The following NCKAP5L variants were observed in gnomAD, a reference collection of about 807,000 sequenced individuals.
The protein encoded by NCKAP5L is NCK associated protein 5 like, also known as nck-associated protein 5-like.
In NCKAP5L, 54 loss-of-function variants were observed where a neutral mutation model predicts 103.2. That is an observed-to-expected ratio of 0.52 (90% CI 0.42 to 0.66). The LOEUF (loss-of-function observed/expected upper bound fraction) is 0.66, where lower values mean the gene tolerates loss of function less well. Among genes scored for constraint, NCKAP5L ranks in the 30% least tolerant of loss-of-function variants. The pLI, the probability that NCKAP5L is intolerant of heterozygous loss-of-function variation, is 0.00. For missense variants in NCKAP5L, 1,733 were observed against 1,750.6 expected (o/e 0.99, Z 0.18); for synonymous variants, 762 against 748.6 (o/e 1.02, Z -0.29).
Position 49,791,456 on chromosome 12 carries a change from CG to C in NCKAP5L, c.*382del, listed in dbSNP as rs1945932872. 1 of 171,496 alleles carries C rather than the reference CG, an allele frequency of 5.8e-6. No homozygotes were observed. The highest frequency in any genetic ancestry group is 1.2e-5 in the Non-Finnish European group (1 of 81,528). The allele number at this position is 171,496 out of a possible 1,614,324, so 10.6% of individuals were successfully genotyped here. A position where few individuals can be genotyped will look rare whatever the true frequency, so the allele number is the denominator to read the frequency against. On this transcript the variant is annotated 3_prime_UTR_variant, in exon 13 of 13. Coordinates refer to ENST00000335999, the MANE Select transcript of NCKAP5L (RefSeq NM_001037806.4). ...CTCCAGGAGGGCCTCGCGAGGGCTTCGGGGCAGAGGAGCAGCCGGGTTGGGC... is the reference window on the plus strand; with the variant it reads ...CTCCAGGAGGGCCTCGCGAGGGCTTCGGGCAGAGGAGCAGCCGGGTTGGGC...
At chr12:49,826,375 G>T (rs1024697223) in intron 1 of NCKAP5L, among the ~76,000 whole-genome samples, 4 of 152,072 alleles carry the variant, frequency 2.6e-5, no homozygotes, top group African/African-American at 9.7e-5. Context: ...AGGCGTGATG[G>T]GTGGGCCAAA....
chr12:49,796,918 G>T lies in NCKAP5L; in HGVS notation c.942C>A (p.Pro314=). The T allele has an allele frequency of 6.2e-7, 1 of 1,607,832 alleles. No homozygotes were observed. Among genetic ancestry groups the T allele is most frequent in the East Asian group, 2.2e-5 (1 of 44,704 alleles). The part of the protein sequence containing the change: ...EAGDPNEAPS[P]DTLLGALARR... ...GGGCCAGGGCACCGAGCAGGGTGTC[G>T]GGGCTGGGTGCCTCATTGGGGTCAC... The change falls in exon 8 of 13, where the codon CCC becomes CCA. Residue 314 remains proline (P), a synonymous_variant. Coordinates refer to ENST00000335999, the MANE Select transcript of NCKAP5L (RefSeq NM_001037806.4).
At position 49,803,909 on chromosome 12, in the gene NCKAP5L, C is replaced by T. The variant is rs1310222741; in HGVS notation, c.123+13G>A. ...GGCTGGCACTGCTGCCCCTACCACG[C>T]CCCATGCCGCACCTCCAGCTCCCGC... is the stretch of plus-strand genomic sequence containing the variant. On this transcript the variant is annotated intron_variant, in intron 3 of 12. Transcript: ENST00000335999. The T allele has an allele frequency of 1.2e-6, 2 of 1,603,546 alleles. No individual in the cohort carries two copies. Among genetic ancestry groups the T allele is most frequent in the Non-Finnish European group, 1.7e-6 (2 of 1,179,608 alleles).
At chr12:49,817,803 A>G (rs1946315055) in intron 1 of NCKAP5L, among the ~76,000 whole-genome samples, 1 of 152,178 alleles carries the variant, frequency 6.6e-6, no homozygotes, top group South Asian at 2.1e-4. Flanking sequence ...CTCATCTCAC[A>G]CCATATATAA....
chr12:49,815,277 C>A (rs1223029351), intron 1 of NCKAP5L, among the ~76,000 whole-genome samples: 1 of 152,154 alleles, frequency 6.6e-6, no homozygotes, highest in Non-Finnish European at 1.5e-5. Context: ...TACTATGGTG[C>A]TCTAAAACAT....
Position 49,796,126 on chromosome 12 carries a change from T to G in NCKAP5L, c.1734A>C (p.Pro578=), listed in dbSNP as rs1285675392. ...GCTGTGGGTAGGTGGGCACCTGCAG[T>G]GGGGATGGAGGTGGCTCTGGGGAAG... ...RGPSPEPPPS[P]LQVPTYPQLT... Residue 578 remains proline, a synonymous_variant, in exon 8 of 13, where the codon CCA becomes CCC. Transcript: ENST00000335999. The G allele has an allele frequency of 6.2e-7, 1 of 1,610,710 alleles. No homozygotes were observed. Among genetic ancestry groups the G allele is most frequent in the African/African-American group, 1.3e-5 (1 of 74,746 alleles).
intron 10 of NCKAP5L, 45 bp downstream of exon 10, chr12:49,793,306 TA>T: frequency 6.4e-7 from 1 of 1,554,014 alleles, no homozygotes; most frequent in Non-Finnish European, 8.8e-7. Flanking sequence ...AAGAAGTGGG[TA>T]GGGGGGTGGG....
intron 1 of NCKAP5L, among the ~76,000 whole-genome samples, chr12:49,808,163 C>T (rs1478361086): frequency 1.3e-5 from 2 of 152,180 alleles, no homozygotes; most frequent in African/African-American, 4.8e-5. Flanking sequence ...CAGGCATGGC[C>T]CCGATCCACA....
At chr12:49,794,605 A>C (rs1441007499) in intron 8 of NCKAP5L, among the ~76,000 whole-genome samples, 160 bp downstream of exon 8, 163 of 115,940 alleles carry the variant, frequency 1.4e-3, no homozygotes, top group Admixed American at 4.5e-3. Context: ...CAAGTCACTG[A>C]CCCCCCCACC....
intron 5 of NCKAP5L, 45 bp downstream of exon 5, chr12:49,802,913 T>A (rs368459318): frequency 1.6e-5 from 26 of 1,588,472 alleles, no homozygotes; most frequent in Non-Finnish European, 2.1e-5. Context: ...AAGGGTCTCA[T>A]CTGCTGTGCC....
At position 49,792,483 on chromosome 12, in the gene NCKAP5L, G is replaced by A; in HGVS notation, c.3755C>T (p.Pro1252Leu). 1.9e-6 allele frequency: 3 copies of A among 1,613,446 alleles called. No homozygotes were observed. Among genetic ancestry groups the A allele is most frequent in the Non-Finnish European group, 1.7e-6 (2 of 1,179,568 alleles). ...GGGCAGCCCCTCCAGTTGTCGGGGT[G>A]GGCACATGAGAGGGTCCGAGGAGCT... is the stretch of plus-strand genomic sequence containing the variant. ...AGSSSDPLMCPPRQLEGLPRT... is the reference protein window; with the variant it reads ...AGSSSDPLMCLPRQLEGLPRT... Residue 1252 changes from proline to leucine, a missense_variant, in exon 12 of 13, where the codon CCA (proline) becomes CTA (leucine). Transcript: ENST00000335999. This position sits in a 1 kb window ranked among gnomAD's most constrained non-coding sequence, Gnocchi z 4.5.
chr12:49,824,414 A>T (rs1007503624), intron 1 of NCKAP5L, among the ~76,000 whole-genome samples: 1 of 152,154 alleles, frequency 6.6e-6, no homozygotes, highest in Non-Finnish European at 1.5e-5. Context: ...CTTCTTGGGG[A>T]CCCCAGCCCA....
chr12:49,801,093 T>G (rs1185023951), intron 6 of NCKAP5L, among the ~76,000 whole-genome samples: 1 of 152,218 alleles, frequency 6.6e-6, no homozygotes, highest in African/African-American at 2.4e-5. Flanking sequence ...GCAGAGGGGC[T>G]GCCTGCTCAG....
Position 49,793,805 on chromosome 12 carries a change from G to C in NCKAP5L, c.3187C>G (p.Pro1063Ala). 6.2e-7 allele frequency: 1 copy of C among 1,602,790 alleles called. No individual in the cohort carries two copies. Among genetic ancestry groups the C allele is most frequent in the Non-Finnish European group, 8.5e-7 (1 of 1,174,762 alleles). ...FQPVSSDPKSPWPACGPRNGL... is the reference protein window; with the variant it reads ...FQPVSSDPKSAWPACGPRNGL... ...TTCCGGGGCCCACAGGCTGGCCAGGGGCTCTTGGGGTCAGAAGACACCGGC... is the reference window on the plus strand; with the variant it reads ...TTCCGGGGCCCACAGGCTGGCCAGGCGCTCTTGGGGTCAGAAGACACCGGC... Residue 1063 changes from proline to alanine, a missense_variant, in exon 9 of 13, where the codon CCC becomes GCC. Physicochemically the swap from Pro to Ala is conservative, Grantham distance 27 (BLOSUM62 -1). Coordinates refer to ENST00000335999, the MANE Select transcript of NCKAP5L (RefSeq NM_001037806.4).
Position 49,797,308 on chromosome 12 carries a change from A to G in NCKAP5L, c.552T>C (p.Leu184=). 6.2e-7 allele frequency: 1 copy of G among 1,613,238 alleles called. No homozygotes were observed. The highest frequency in any genetic ancestry group is 8.5e-7 in the Non-Finnish European group (1 of 1,179,782). ...CCTCCAGAATCTGGGCCTTCTTCCG[A>G]AGGAACGGGGATAGGGCATCCAGCG... is the stretch of plus-strand genomic sequence containing the variant. ...PPALDALSPF[L]RKKAQILEVL... The change falls in exon 8 of 13, where the codon CTT becomes CTC. Residue 184 remains leucine, a synonymous_variant. Coordinates refer to ENST00000335999, the MANE Select transcript of NCKAP5L (RefSeq NM_001037806.4). The surrounding 1 kb of genome is among the most constrained non-coding windows in gnomAD (Gnocchi z 4.5).
intron 1 of NCKAP5L, among the ~76,000 whole-genome samples, chr12:49,822,446 A>C (rs1946371201): frequency 6.6e-6 from 1 of 152,156 alleles, no homozygotes; most frequent in African/African-American, 2.4e-5. Context: ...GAAAAAAAGA[A>C]TATATATTTG....
In NCKAP5L at chr12:49,801,836, G is replaced by A. The variant is rs1466819731; in HGVS notation, c.351+12C>T. 14 of 1,613,612 alleles carry A rather than the reference G, an allele frequency of 8.7e-6. No individual in the cohort carries two copies. The highest frequency in any genetic ancestry group is 4.0e-5 in the African/African-American group (3 of 74,918). The stretch of plus-strand genomic sequence containing the variant: ...GCAGTGCGATGGGAGTGAAAGGAGC[G>A]CAGATGCCTACCTGAGGGAGCGAGC... On this transcript the variant is annotated intron_variant, in intron 6 of 12. Coordinates refer to ENST00000335999, the MANE Select transcript of NCKAP5L (RefSeq NM_001037806.4).
At chr12:49,817,389 A>G (rs753693964) in intron 1 of NCKAP5L, among the ~76,000 whole-genome samples, 6 of 152,154 alleles carry the variant, frequency 3.9e-5, no homozygotes, top group South Asian at 4.1e-4. Flanking sequence ...TAAACAATAG[A>G]GGTTAAAATC....
At chr12:49,824,522 G>A (rs1946395222) in intron 1 of NCKAP5L, among the ~76,000 whole-genome samples, 1 of 152,270 alleles carries the variant, frequency 6.6e-6, no homozygotes, top group Admixed American at 6.5e-5. Context: ...AACCTGCAGA[G>A]GAGGTCCAGT....
Sources: allele counts gnomAD v4.1 joint callset (sites outside exome capture counted in the v4.1 genomes callset), GRCh38; gene constraint gnomAD v4.1.1; non-coding constraint Gnocchi (gnomAD v3.1); transcripts MANE v1.5; gene names NCBI Gene and HGNC (gene_info 2026-07-23, HGNC 2026-07-21).